The following PARN variants were observed in gnomAD, a reference collection of about 807,000 sequenced individuals.
PARN encodes the protein poly(A)-specific ribonuclease PARN.
A neutral mutation model predicts 102.8 loss-of-function variants in PARN; 71 were observed. That is an observed-to-expected ratio of 0.69 (90% CI 0.57 to 0.84). PARN has a LOEUF of 0.84. PARN is among the 40% of genes least tolerant of loss of function. PARN has a pLI of 0.00. For missense variants in PARN, 782 were observed against 760.9 expected (o/e 1.03, Z -0.33); for synonymous variants, 261 against 252.9 (o/e 1.03, Z -0.30).
At chr16:14,514,506 T>G (rs956750643) in intron 21 of PARN, among the ~76,000 whole-genome samples, 1 of 152,130 alleles carries the variant, frequency 6.6e-6, no homozygotes, top group African/African-American at 2.4e-5. Context: ...TTAAATGCAG[T>G]TGAAGGCACA....
intron 21 of PARN, among the ~76,000 whole-genome samples, chr16:14,504,242 T>C (rs1964771142): frequency 1.3e-5 from 2 of 152,336 alleles, no homozygotes; most frequent in Non-Finnish European, 2.9e-5. Context: ...ATAATTATGC[T>C]ATTCATATTC....
intron 13 of PARN, among the ~76,000 whole-genome samples, chr16:14,588,866 G>A (rs1004393316): frequency 6.6e-6 from 1 of 151,144 alleles, no homozygotes; most frequent in African/African-American, 2.4e-5. Flanking sequence ...TGGCGACAGA[G>A]TGAGACTCTG....
intron 22 of PARN, among the ~76,000 whole-genome samples, chr16:14,469,287 G>A (rs1013416100): frequency 2.0e-5 from 3 of 152,016 alleles, no homozygotes; most frequent in Non-Finnish European, 4.4e-5. Context: ...AGCCAAGATC[G>A]CACCACTGCA....
chr16:14,482,034 C>T (rs1299362221), intron 22 of PARN, among the ~76,000 whole-genome samples: 2 of 152,128 alleles, frequency 1.3e-5, no homozygotes, highest in African/African-American at 4.8e-5. Flanking sequence ...CACTTCTAAT[C>T]CTGGTTCTTG....
At chr16:14,587,277 T>C (rs1969916628) in intron 13 of PARN, among the ~76,000 whole-genome samples, 1 of 152,210 alleles carries the variant, frequency 6.6e-6, no homozygotes, top group South Asian at 2.1e-4. Flanking sequence ...ATGATGTTTG[T>C]AATCTCTCAA....
chr16:14,513,586 C>G (rs2151640700), intron 21 of PARN, among the ~76,000 whole-genome samples: 1 of 152,292 alleles, frequency 6.6e-6, no homozygotes, highest in East Asian at 1.9e-4. Context: ...ACATGGCCTA[C>G]CTGTCTTCCA....
At chr16:14,516,472 T>C (rs1965461766) in intron 21 of PARN, among the ~76,000 whole-genome samples, 1 of 151,986 alleles carries the variant, frequency 6.6e-6, no homozygotes, top group African/African-American at 2.4e-5. Context: ...AAAAAAAAAT[T>C]CAGCGCATCT....
chr16:14,472,989 A>G (rs1219560099), intron 22 of PARN, among the ~76,000 whole-genome samples: 1 of 152,242 alleles, frequency 6.6e-6, no homozygotes, highest in Non-Finnish European at 1.5e-5. Flanking sequence ...AAAAGTATAG[A>G]TACAAAAAGT....
At chr16:14,610,274 A>G (rs926454782) in intron 7 of PARN, among the ~76,000 whole-genome samples, 7 of 152,102 alleles carry the variant, frequency 4.6e-5, no homozygotes, top group African/African-American at 1.4e-4. Flanking sequence ...GGAGTTCGAG[A>G]CCAGCGTGGC....
intron 21 of PARN, among the ~76,000 whole-genome samples, chr16:14,538,028 T>A (rs868404176): frequency 1.6e-4 from 24 of 152,254 alleles, no homozygotes; most frequent in African/African-American, 5.5e-4. Context: ...TATACATATA[T>A]TGAAATGTGA....
chr16:14,515,379 T>C (rs1268836597), intron 21 of PARN, among the ~76,000 whole-genome samples: 5 of 152,198 alleles, frequency 3.3e-5, no homozygotes, highest in Non-Finnish European at 7.3e-5. Context: ...TTCACTGGCC[T>C]AACAACTGAC....
intron 22 of PARN, among the ~76,000 whole-genome samples, chr16:14,447,711 T>C (rs2151557772): frequency 6.6e-6 from 1 of 152,370 alleles, no homozygotes; most frequent in South Asian, 2.1e-4. Flanking sequence ...TACGAAAATG[T>C]TCCCTTAAAT....
intron 21 of PARN, among the ~76,000 whole-genome samples, chr16:14,550,043 C>G (rs1967196437): frequency 6.6e-6 from 1 of 152,124 alleles, no homozygotes; most frequent in Non-Finnish European, 1.5e-5. Context: ...AGCAAAGGAG[C>G]TGAAGAGTGT....
chr16:14,463,140 G>A (rs1305154895), intron 22 of PARN, among the ~76,000 whole-genome samples: 2 of 152,172 alleles, frequency 1.3e-5, no homozygotes, highest in East Asian at 3.9e-4. Flanking sequence ...GCTAACTTGG[G>A]AAAACACATA....
At chr16:14,549,721 AC>A (rs911331255) in intron 21 of PARN, among the ~76,000 whole-genome samples, 1 of 152,194 alleles carries the variant, frequency 6.6e-6, no homozygotes, top group Non-Finnish European at 1.5e-5. Flanking sequence ...GCACTCTTAC[AC>A]ACTGTTCACA....
rs147834105 is a variant in PARN, at chr16:14,446,702, G to A, written c.1864+186C>T. ...AGACCCCCCAGGCCTTATGCTACCC[G>A]AGCCAGAGCTTTTTAGGATTCCTCA... On this transcript the variant is annotated intron_variant, in intron 23 of 23. Transcript: ENST00000437198. Among the ~76,000 whole-genome samples the A allele has an allele frequency of 3.2e-3, 485 of 152,218 alleles. 3 individuals are homozygous for A. Among genetic ancestry groups the A allele is most frequent in the Admixed American group, 0.013 (195 of 15,288 alleles).
chr16:14,590,853 CG>C (rs761110411), intron 13 of PARN, among the ~76,000 whole-genome samples: 8 of 152,018 alleles, frequency 5.3e-5, no homozygotes, highest in Non-Finnish European at 1.2e-4. Context: ...AAAATGCTGA[CG>C]GAACAATGGG....
intron 14 of PARN, among the ~76,000 whole-genome samples, chr16:14,585,196 A>G (rs1409245762): frequency 1.3e-5 from 2 of 152,182 alleles, no homozygotes; most frequent in East Asian, 3.8e-4. Context: ...AACTGCTACC[A>G]TCTACTCCTA....
chr16:14,606,009 C>A (rs1306585052), intron 10 of PARN, among the ~76,000 whole-genome samples: 1 of 152,042 alleles, frequency 6.6e-6, no homozygotes, highest in Non-Finnish European at 1.5e-5. Flanking sequence ...ATGCTCAGTC[C>A]CAATGTACAG....
Sources: allele counts gnomAD v4.1 joint callset (sites outside exome capture counted in the v4.1 genomes callset), GRCh38; gene constraint gnomAD v4.1.1; transcripts MANE v1.5; gene names NCBI Gene and HGNC (gene_info 2026-07-23, HGNC 2026-07-21).